IKZF3: variants seen among roughly 807,000 people sequenced by gnomAD.
The protein encoded by IKZF3 is IKAROS family zinc finger 3.
Under a neutral mutation model 49.0 loss-of-function variants are expected in IKZF3, and 10 were observed. The ratio of observed to expected loss-of-function variants is 0.20; its 90% CI spans 0.13 to 0.35. The LOEUF is 0.35. IKZF3 is among the 10% of genes least tolerant of loss of function. The pLI is 1.00. For missense variants in IKZF3, 498 were observed against 664.8 expected, an observed-to-expected ratio of 0.75 and a Z score of 2.76; for synonymous variants, 209 against 228.2, an observed-to-expected ratio of 0.92 and a Z score of 0.76.
intron 1 of IKZF3, among the ~76,000 whole-genome samples, chr17:39,843,786 G>A (rs1469259956): frequency 1.3e-5 from 2 of 149,240 alleles, no homozygotes; most frequent in African/African-American, 2.5e-5. Context: ...CAGCCTGGGC[G>A]ACAGAGTGAG....
At chr17:39,769,027 T>C (rs1255618593) in intron 7 of IKZF3, among the ~76,000 whole-genome samples, 1 of 152,222 alleles carries the variant, frequency 6.6e-6, no homozygotes, top group African/African-American at 2.4e-5. Flanking sequence ...TTCTCCTTAG[T>C]ATGATCCAGG....
intron 7 of IKZF3, among the ~76,000 whole-genome samples, chr17:39,774,198 A>C (rs1490903016): frequency 2.0e-5 from 3 of 152,056 alleles, no homozygotes. Context: ...ACAGTTCAAG[A>C]GGTCAGGGAA....
At chr17:39,806,936 A>G (rs1339612424) in intron 3 of IKZF3, among the ~76,000 whole-genome samples, 1 of 152,128 alleles carries the variant, frequency 6.6e-6, no homozygotes, top group African/African-American at 2.4e-5. Context: ...TGTCTGGCCA[A>G]CCTCCAGTGA....
In IKZF3 at chr17:39,829,438, C is replaced by G. The variant is rs550701707; in HGVS notation, c.112G>C (p.Glu38Gln). ...GGGCCTTCTCCACTGTCCACATTTT[C>G]CATTTCATGAGATTTGGTTAAACTG... ...DYSLTKSHEMENVDSGEGPAN... is the reference protein window; with the variant it reads ...DYSLTKSHEMQNVDSGEGPAN... The change falls in exon 3 of 8, where the codon GAA becomes CAA. Residue 38 changes from glutamate (E) to glutamine (Q), a missense_variant. This residue lies in a region of IKZF3 where 97 missense variants were observed against 98.9 expected (regional missense o/e 0.98). Coordinates refer to ENST00000346872, the MANE Select transcript of IKZF3 (RefSeq NM_012481.5). The G allele has an allele frequency of 1.2e-6, 2 of 1,614,086 alleles. No homozygotes were observed. Among genetic ancestry groups the G allele is most frequent in the African/African-American group, 2.7e-5 (2 of 75,044 alleles).
intron 3 of IKZF3, among the ~76,000 whole-genome samples, chr17:39,797,965 A>T (rs1191482880): frequency 6.6e-6 from 1 of 151,880 alleles, no homozygotes; most frequent in African/African-American, 2.4e-5. Flanking sequence ...TTAGTCCTCT[A>T]TTTCTGAAGG....
chr17:39,810,616 CAAA>C (rs36003163), intron 3 of IKZF3, among the ~76,000 whole-genome samples: 65 of 79,320 alleles, frequency 8.2e-4, no homozygotes, highest in African/African-American at 2.3e-3. Context: ...GTATCTGCAG[CAAA>C]AAAAAAAAAA....
intron 1 of IKZF3, among the ~76,000 whole-genome samples, chr17:39,844,084 T>G (rs895082046): frequency 6.6e-6 from 1 of 152,226 alleles, no homozygotes; most frequent in African/African-American, 2.4e-5. Context: ...TTCTTTACAC[T>G]TCAGTCCCCC....
chr17:39,835,463 T>C (rs975133797), intron 1 of IKZF3: 2 of 453,236 alleles, frequency 4.4e-6, no homozygotes, highest in Admixed American at 5.1e-5. Flanking sequence ...TGGAGCCGGC[T>C]GATGTTCCAG....
At chr17:39,798,505 G>GTAT (rs2061230811) in intron 3 of IKZF3, among the ~76,000 whole-genome samples, 2 of 149,312 alleles carry the variant, frequency 1.3e-5, no homozygotes, top group East Asian at 1.9e-4. Context: ...CACATCCTAC[G>GTAT]TATTTTTTTT....
intron 6 of IKZF3, among the ~76,000 whole-genome samples, chr17:39,782,959 T>C (rs2060781710): frequency 6.6e-6 from 1 of 152,266 alleles, no homozygotes; most frequent in Non-Finnish European, 1.5e-5. Flanking sequence ...ATTAGGTTAC[T>C]ACTACCTTTA....
chr17:39,827,841 T>C (rs1055124193), intron 3 of IKZF3, among the ~76,000 whole-genome samples: 2 of 152,166 alleles, frequency 1.3e-5, no homozygotes, highest in Non-Finnish European at 1.5e-5. Flanking sequence ...ATATCTAAAA[T>C]AGGGTAAGGT....
rs1421020255 is a variant in IKZF3, at chr17:39,762,716, G to A, written c.*3074C>T. The A allele has an allele frequency of 6.6e-6, 1 of 152,188 alleles. No homozygotes were observed. The highest frequency in any genetic ancestry group is 2.4e-5 in the African/African-American group (1 of 41,420). The allele number at this position is 152,188 out of a possible 1,614,324, so 9.4% of individuals were successfully genotyped here. A position where few individuals can be genotyped will look rare whatever the true frequency, so the allele number is the denominator to read the frequency against. ...GGCCTGGCCAACATGGTGAAACCTT[G>A]TCTCTACTAAAAATACAAAAATTAG... On this transcript the variant is annotated 3_prime_UTR_variant, in exon 8 of 8. Coordinates refer to ENST00000346872, the MANE Select transcript of IKZF3 (RefSeq NM_012481.5).
At chr17:39,797,367 C>T (rs1384059693) in intron 3 of IKZF3, among the ~76,000 whole-genome samples, 1 of 151,972 alleles carries the variant, frequency 6.6e-6, no homozygotes, top group Non-Finnish European at 1.5e-5. Flanking sequence ...TAATCCTCAA[C>T]ACTACTGACC....
At chr17:39,816,494 T>C (rs1311937134) in intron 3 of IKZF3, among the ~76,000 whole-genome samples, 1 of 152,234 alleles carries the variant, frequency 6.6e-6, no homozygotes, top group African/African-American at 2.4e-5. Flanking sequence ...CTCACATTCA[T>C]TTATGTATCT....
At chr17:39,814,354 C>T (rs1325571286) in intron 3 of IKZF3, among the ~76,000 whole-genome samples, 5 of 151,962 alleles carry the variant, frequency 3.3e-5, no homozygotes, top group East Asian at 3.9e-4. Context: ...ATACATACAC[C>T]GATTGATCAC....
intron 1 of IKZF3, among the ~76,000 whole-genome samples, chr17:39,841,178 C>CAA (rs111702386): frequency 7.5e-6 from 1 of 133,624 alleles, no homozygotes; most frequent in Non-Finnish European, 1.6e-5. Flanking sequence ...CTGTCTGGAA[C>CAA]AAAAAAAAAA....
At chr17:39,856,560 C>T (rs1355663618) in intron 1 of IKZF3, among the ~76,000 whole-genome samples, 2 of 152,162 alleles carry the variant, frequency 1.3e-5, no homozygotes, top group Middle Eastern at 6.3e-3. Flanking sequence ...AATCCCAACA[C>T]TTTGGGATGC....
chr17:39,765,650 G>T lies in IKZF3; in HGVS notation c.*140C>A. 1.7e-6 allele frequency: 1 copy of T among 603,248 alleles called. No homozygotes were observed. The highest frequency in any genetic ancestry group is 2.9e-6 in the Non-Finnish European group (1 of 349,152). The allele number at this position is 603,248 out of a possible 1,614,324, so 37.4% of individuals were successfully genotyped here. On this transcript the variant is annotated 3_prime_UTR_variant, in exon 8 of 8. Coordinates refer to ENST00000346872, the MANE Select transcript of IKZF3 (RefSeq NM_012481.5). The stretch of plus-strand genomic sequence containing the variant: ...TCTGAAGGAAGACAGTGTTTCCCTG[G>T]CTACCCCTGTGAACACAGCTAAAAA...
At chr17:39,819,192 G>T (rs1446263167) in intron 3 of IKZF3, among the ~76,000 whole-genome samples, 1 of 151,822 alleles carries the variant, frequency 6.6e-6, no homozygotes, top group Non-Finnish European at 1.5e-5. Context: ...TATTTAATCT[G>T]TTTTTTTTAC....
Sources: gnomAD v4.1 joint callset for allele counts (sites outside exome capture counted in the v4.1 genomes callset) on GRCh38, gnomAD v4.1.1 for gene constraint, gnomAD v4.1.1 regional missense constraint, MANE v1.5 for transcripts, NCBI Gene and HGNC (gene_info 2026-07-23, HGNC 2026-07-21) for gene names.